IL1RAPL1: variants seen among roughly 807,000 people sequenced by gnomAD.
IL1RAPL1 encodes the protein interleukin 1 receptor accessory protein like 1.
IL1RAPL1 carries 3 observed loss-of-function variants against 48.4 expected under a neutral mutation model. That is an observed-to-expected ratio of 0.06 (90% CI 0.03 to 0.16). IL1RAPL1 has a LOEUF of 0.16. Ranked by LOEUF, IL1RAPL1 falls within the 10% of genes least tolerant of loss-of-function variation. The probability of loss-of-function intolerance (pLI) is 1.00; values close to 1 mark genes in which losing one functional copy is unlikely to be tolerated. For missense variants in IL1RAPL1, 349 were observed against 530.6 expected (o/e 0.66, Z 3.36); for synonymous variants, 185 against 187.7 (o/e 0.99, Z 0.12).
intron 1 of IL1RAPL1, among the ~76,000 whole-genome samples, chrX:28,750,030 G>A (rs1275384416): frequency 9.3e-6 from 1 of 106,968 alleles, no homozygotes; most frequent in Non-Finnish European, 1.9e-5. Flanking sequence ...TCTGCTTACT[G>A]CAACCTCCGT....
At chrX:28,655,179 G>A (rs1934735607) in intron 1 of IL1RAPL1, among the ~76,000 whole-genome samples, 1 of 111,312 alleles carries the variant, frequency 9.0e-6, no homozygotes, top group Admixed American at 9.6e-5. Context: ...CCTTGAAAAG[G>A]AAGAGCTGAT....
intron 6 of IL1RAPL1, among the ~76,000 whole-genome samples, chrX:29,817,497 C>A (rs1372480923): frequency 1.8e-5 from 2 of 110,934 alleles, no homozygotes; most frequent in Non-Finnish European, 3.8e-5. Context: ...GATTTCTTAG[C>A]ACATTGATGG....
intron 8 of IL1RAPL1, among the ~76,000 whole-genome samples, chrX:29,928,466 T>C (rs2147244743): frequency 8.9e-6 from 1 of 112,166 alleles, no homozygotes; most frequent in Non-Finnish European, 1.9e-5. Flanking sequence ...TGATTGACAA[T>C]ACTTCATAAT....
intron 6 of IL1RAPL1, among the ~76,000 whole-genome samples, chrX:29,868,720 C>A (rs1158119236): frequency 8.9e-6 from 1 of 112,585 alleles, no homozygotes; most frequent in African/African-American, 3.2e-5. Context: ...GATACAGCAG[C>A]AAATGCTTAA....
intron 2 of IL1RAPL1, among the ~76,000 whole-genome samples, chrX:29,259,880 A>C (rs1931821331): frequency 9.0e-6 from 1 of 111,527 alleles, no homozygotes; most frequent in Admixed American, 9.6e-5. Context: ...AAATACACTT[A>C]CTGGGCCATA....
At chrX:29,010,615 G>A (rs758193544) in intron 2 of IL1RAPL1, among the ~76,000 whole-genome samples, 54 of 111,548 alleles carry the variant, frequency 4.8e-4, no homozygotes, top group Non-Finnish European at 8.7e-4. Context: ...TTCAAATATC[G>A]ATTTTAGTGA....
In IL1RAPL1 at chrX:29,502,891, C is replaced by T. The variant is rs1935290121; in HGVS notation, c.703+103583C>T. 2.7e-5 allele frequency among the ~76,000 whole-genome samples: 3 copies of T among 111,492 alleles called. No homozygotes were observed. The Admixed American group carries it at 2.9e-4, about 11-fold the overall frequency. ...AATAGAATTAGTATTGGTTCTTCTT[C>T]AAATGTTTGGTAGAATTCAGCAGTA... On this transcript the variant is annotated intron_variant, in intron 5 of 10. Transcript: ENST00000378993.
rs778076494 is a variant in IL1RAPL1 at position 29,283,058 on chromosome X, A to T, written c.203A>T (p.Gln68Leu). ...GYIRTNYSLA[Q>L]SAGLSLMWYK... is the part of the protein sequence containing the mutation. ...ATCAGAACAAATTACTCCCTTGCCC[A>T]AAGTGCTGGACTCAGTTTGATGTGG... is the stretch of plus-strand genomic sequence containing the variant. Residue 68 changes from glutamine to leucine, a missense_variant, in exon 3 of 11, where the codon CAA (glutamine) becomes CTA (leucine). Around this residue, in one of 3 missense-constraint regions of IL1RAPL1, gnomAD observed 238 missense variants for 337.8 expected, o/e 0.70. Coordinates refer to ENST00000378993, the MANE Select transcript of IL1RAPL1 (RefSeq NM_014271.4). The T allele has an allele frequency of 8.3e-7, 1 of 1,211,736 alleles. No homozygotes were observed. The highest frequency in any genetic ancestry group is 1.8e-5 in the South Asian group (1 of 57,000).
At chrX:29,754,877 T>C (rs1209039547) in intron 6 of IL1RAPL1, among the ~76,000 whole-genome samples, 1 of 112,824 alleles carries the variant, frequency 8.9e-6, no homozygotes, top group Non-Finnish European at 1.9e-5. Flanking sequence ...ATTTCACAAT[T>C]TCTGTAGGTT....
chrX:29,206,615 T>G (rs1240009320), intron 2 of IL1RAPL1, among the ~76,000 whole-genome samples: 5 of 111,945 alleles, frequency 4.5e-5, no homozygotes, highest in Admixed American at 1.9e-4. Flanking sequence ...TTCCTATAAG[T>G]AAAATAAAAT....
chrX:29,386,241 G>A (rs1933776297), intron 3 of IL1RAPL1, among the ~76,000 whole-genome samples: 1 of 111,100 alleles, frequency 9.0e-6, no homozygotes. Flanking sequence ...TCTTGGCCAG[G>A]CTGGTCTTGA....
intron 6 of IL1RAPL1, among the ~76,000 whole-genome samples, chrX:29,788,621 T>C (rs1222440854): frequency 8.9e-6 from 1 of 112,210 alleles, no homozygotes; most frequent in Non-Finnish European, 1.9e-5. Context: ...TCCATCACCT[T>C]GAGTATTTAT....
At chrX:29,918,237 TTA>T (rs757872284) in intron 7 of IL1RAPL1, among the ~76,000 whole-genome samples, 7,876 of 77,303 alleles carry the variant, frequency 0.1, 559 homozygotes, top group Non-Finnish European at 0.13. Context: ...GACCTTTTTT[TTA>T]AAAAAAAAAA....
At chrX:29,213,748 T>C in intron 2 of IL1RAPL1, among the ~76,000 whole-genome samples, 1 of 112,390 alleles carries the variant, frequency 8.9e-6, no homozygotes, top group Non-Finnish European at 1.9e-5. Context: ...TTTTTCATCT[T>C]AGTCTTTACT....
At chrX:29,172,358 TC>T (rs1929924981) in intron 2 of IL1RAPL1, among the ~76,000 whole-genome samples, 2 of 111,662 alleles carry the variant, frequency 1.8e-5, no homozygotes, top group Non-Finnish European at 3.8e-5. Context: ...AAATTTCTGG[TC>T]CCTGTTCAAG....
chrX:29,074,400 T>G (rs1435849915), intron 2 of IL1RAPL1, among the ~76,000 whole-genome samples: 1 of 111,710 alleles, frequency 9.0e-6, no homozygotes, highest in Non-Finnish European at 1.9e-5. Context: ...CCTAACTCAT[T>G]TTTAAGCATC....
intron 2 of IL1RAPL1, among the ~76,000 whole-genome samples, chrX:29,016,836 G>C (rs989517963): frequency 9.0e-6 from 1 of 111,120 alleles, no homozygotes. Context: ...TTGTGCAGTG[G>C]TGAAGTCCAC....
At chrX:28,806,061 C>G (rs771311116) in intron 2 of IL1RAPL1, among the ~76,000 whole-genome samples, 1 of 111,112 alleles carries the variant, frequency 9.0e-6, no homozygotes, top group East Asian at 2.8e-4. Flanking sequence ...GGAATGATCT[C>G]TATATAGGTT....
At chrX:29,916,870 A>G (rs1442696109) in intron 6 of IL1RAPL1, among the ~76,000 whole-genome samples, 1 of 111,986 alleles carries the variant, frequency 8.9e-6, no homozygotes, top group Non-Finnish European at 1.9e-5. Context: ...AAAATCCCAA[A>G]TATTTATTGT....
Sources: allele counts gnomAD v4.1 joint callset (sites outside exome capture counted in the v4.1 genomes callset), GRCh38; gene constraint gnomAD v4.1.1; regional missense constraint gnomAD v4.1.1; transcripts MANE v1.5; gene names NCBI Gene and HGNC (gene_info 2026-07-23, HGNC 2026-07-21).